Variants in ETNK1 observed in about 807,000 individuals in gnomAD.
ETNK1 encodes the protein ethanolamine kinase 1, also known as putative protein product of Nbla10396.
Under a neutral mutation model 45.1 loss-of-function variants are expected in ETNK1, and 8 were observed. That is an observed-to-expected ratio of 0.18 (90% CI 0.10 to 0.32). ETNK1 has a LOEUF of 0.32. ETNK1 is among the 10% of genes least tolerant of loss of function. ETNK1 has a pLI of 1.00. For synonymous variants in ETNK1, 152 were observed against 151.9 expected (o/e 1.00, Z -0.01); for missense variants, 302 against 430.6 (o/e 0.70, Z 2.64).
chr12:22,653,784 A>G (rs1303457966), intron 2 of ETNK1, among the ~76,000 whole-genome samples: 9 of 152,148 alleles, frequency 5.9e-5, no homozygotes, highest in African/African-American at 2.4e-5. Context: ...TGCTTTGTTC[A>G]GTCCTTATTT....
chr12:22,683,025 AATAGCTAGCATTCTATTGAAT>A (rs1421517292), intron 6 of ETNK1, among the ~76,000 whole-genome samples: 6 of 152,182 alleles, frequency 3.9e-5, no homozygotes, highest in Non-Finnish European at 7.3e-5. Context: ...ATATAGTAAG[AATAGCTAGCATTCTATTGAAT>A]ATTTGTTATA....
chr12:22,648,023 A>T (rs1469888555), intron 2 of ETNK1, among the ~76,000 whole-genome samples: 1 of 151,974 alleles, frequency 6.6e-6, no homozygotes, highest in Non-Finnish European at 1.5e-5. Flanking sequence ...TTATTAAATA[A>T]TGCTAAGTTA....
chr12:22,668,338 T>A (rs954172187), intron 4 of ETNK1, among the ~76,000 whole-genome samples: 4 of 152,200 alleles, frequency 2.6e-5, no homozygotes, highest in Admixed American at 1.3e-4. Flanking sequence ...AGAAGTTAAA[T>A]TTATAGAAGG....
chr12:22,642,029 G>T (rs926990098), intron 1 of ETNK1, among the ~76,000 whole-genome samples: 1 of 152,134 alleles, frequency 6.6e-6, no homozygotes, highest in Non-Finnish European at 1.5e-5. Context: ...ATAAGAGAAT[G>T]CAATTTTTAT....
intron 1 of ETNK1, chr12:22,626,226 CTG>C (rs138067134): frequency 0.043 from 6,963 of 161,694 alleles, 215 homozygotes; most frequent in Middle Eastern, 0.11. Context: ...TGGCTTGTGA[CTG>C]TTTCCTTTTC....
intron 6 of ETNK1, among the ~76,000 whole-genome samples, chr12:22,683,065 A>G (rs1171527185): frequency 3.9e-5 from 6 of 152,226 alleles, no homozygotes; most frequent in Non-Finnish European, 7.3e-5. Context: ...TATGCCAGCT[A>G]TAGGTACTAT....
rs1277987496 is a variant in ETNK1 at position 22,653,060 on chromosome 12, C to T, written c.417-5954C>T. ...GCTTCATTCTTTTGGATGTGGATAT[C>T]TAGTTTTCCCAGTACATTTTGTTGT... is the stretch of plus-strand genomic sequence containing the variant. On this transcript the variant is annotated intron_variant, in intron 2 of 7. Transcript: ENST00000266517. 2.6e-5 allele frequency among the ~76,000 whole-genome samples: 4 copies of T among 152,098 alleles called. No individual in the cohort carries two copies. In the East Asian group the frequency reaches 7.7e-4, roughly 29 times the overall value.
chr12:22,632,612 C>G (rs764786998), intron 1 of ETNK1, among the ~76,000 whole-genome samples: 7 of 151,878 alleles, frequency 4.6e-5, no homozygotes, highest in Non-Finnish European at 1.0e-4. Flanking sequence ...TGAGCTCACG[C>G]GATCCCTTCT....
At chr12:22,672,196 ATTAC>A (rs758292603) in intron 5 of ETNK1, among the ~76,000 whole-genome samples, 7 of 152,210 alleles carry the variant, frequency 4.6e-5, no homozygotes, top group Admixed American at 3.9e-4. Context: ...TTAATTTATA[ATTAC>A]TTAAGTTAAA....
At chr12:22,674,882 T>G (rs960721620) in intron 6 of ETNK1, among the ~76,000 whole-genome samples, 5 of 152,182 alleles carry the variant, frequency 3.3e-5, no homozygotes, top group African/African-American at 1.2e-4. Context: ...ATCAATTGTT[T>G]ATAAATATTC....
intron 6 of ETNK1, among the ~76,000 whole-genome samples, chr12:22,679,332 A>G (rs1954191210): frequency 6.6e-6 from 1 of 152,226 alleles, no homozygotes; most frequent in African/African-American, 2.4e-5. Context: ...AGGAGGAAGC[A>G]TCCAACATGG....
chr12:22,673,284 AT>A (rs1221580367), intron 5 of ETNK1, among the ~76,000 whole-genome samples: 1 of 152,186 alleles, frequency 6.6e-6, no homozygotes, highest in African/African-American at 2.4e-5. Flanking sequence ...ATGAGAATTG[AT>A]TTGGTGATCA....
chr12:22,631,223 G>T (rs890536320), intron 1 of ETNK1, among the ~76,000 whole-genome samples: 3 of 151,166 alleles, frequency 2.0e-5, no homozygotes, highest in Non-Finnish European at 2.9e-5. Flanking sequence ...TGCCCAGGCT[G>T]GAGTGCAATG....
At chr12:22,640,665 A>G (rs1318784890) in intron 1 of ETNK1, among the ~76,000 whole-genome samples, 1 of 152,154 alleles carries the variant, frequency 6.6e-6, no homozygotes, top group East Asian at 1.9e-4. Flanking sequence ...GTATCAACTT[A>G]CTAATCTTCA....
At chr12:22,651,277 G>C (rs1953871461) in intron 2 of ETNK1, among the ~76,000 whole-genome samples, 1 of 152,198 alleles carries the variant, frequency 6.6e-6, no homozygotes, top group Admixed American at 6.5e-5. Context: ...CTTGGCCAGT[G>C]CCATGTTGCC....
intron 4 of ETNK1, among the ~76,000 whole-genome samples, chr12:22,670,733 G>A (rs10842047): frequency 0.31 from 47,030 of 152,054 alleles, 8,271 homozygotes; most frequent in Non-Finnish European, 0.41. Flanking sequence ...GCATATGATA[G>A]CAACTAACTT....
chr12:22,650,557 C>G (rs1006576632), intron 2 of ETNK1, among the ~76,000 whole-genome samples: 1 of 151,768 alleles, frequency 6.6e-6, no homozygotes, highest in Admixed American at 6.6e-5. Context: ...CTTTTTTAGT[C>G]TGTTAATGTA....
At chr12:22,645,273 A>G (rs1394485960) in intron 2 of ETNK1, among the ~76,000 whole-genome samples, 1 of 151,854 alleles carries the variant, frequency 6.6e-6, no homozygotes, top group Admixed American at 6.6e-5. Flanking sequence ...TATATATACA[A>G]AAACATATTT....
At position 22,637,665 on chromosome 12, in the gene ETNK1, T is replaced by C. The variant is rs182118105; in HGVS notation, c.157-6098T>C. Among the ~76,000 whole-genome samples the C allele has an allele frequency of 3.3e-5, 5 of 152,198 alleles. No individual in the cohort carries two copies. The East Asian group carries it at 9.7e-4, about 29-fold the overall frequency. On this transcript the variant is annotated intron_variant, in intron 1 of 7. Transcript: ENST00000266517. ...CTAATATAGAGAGTACAAATAGGTA[T>C]ATAAAAAAGTAAGCAAATGAGAAAA...
Sources: gnomAD v4.1 joint callset for allele counts (sites outside exome capture counted in the v4.1 genomes callset) on GRCh38, gnomAD v4.1.1 for gene constraint, MANE v1.5 for transcripts, NCBI Gene and HGNC (gene_info 2026-07-23, HGNC 2026-07-21) for gene names.